Variants in DPYSL3 observed in about 807,000 individuals in gnomAD.
The protein encoded by DPYSL3 is dihydropyrimidinase like 3.
A neutral mutation model predicts 66.1 loss-of-function variants in DPYSL3; 16 were observed. The observed-to-expected ratio is 0.24, with a 90% CI of 0.16 to 0.37. DPYSL3 has a LOEUF of 0.37. Among genes scored for constraint, DPYSL3 ranks in the 10% least tolerant of loss-of-function variants. DPYSL3 has a pLI of 1.00. For missense variants in DPYSL3, 738 were observed against 916.2 expected, an observed-to-expected ratio of 0.81 and a Z score of 2.51; for synonymous variants, 338 against 345.1, an observed-to-expected ratio of 0.98 and a Z score of 0.23.
intron 1 of DPYSL3, among the ~76,000 whole-genome samples, chr5:147,482,426 T>C (rs1753264883): frequency 6.6e-6 from 1 of 152,236 alleles, no homozygotes; most frequent in Non-Finnish European, 1.5e-5. Flanking sequence ...CATCTAGATC[T>C]ATATTTGTAA....
At chr5:147,403,567 GTATT>G (rs1758252068) in intron 8 of DPYSL3, among the ~76,000 whole-genome samples, 1 of 152,090 alleles carries the variant, frequency 6.6e-6, no homozygotes, top group African/African-American at 2.4e-5. Context: ...AAAAATTAAA[GTATT>G]TATGTCAGTG....
chr5:147,439,387 AAAC>A (rs1009856563), intron 1 of DPYSL3, among the ~76,000 whole-genome samples: 3 of 152,014 alleles, frequency 2.0e-5, no homozygotes, highest in Admixed American at 1.3e-4. Context: ...AGAAAAAAAA[AAAC>A]AACAAGTACA....
chr5:147,420,093 CCTT>C (rs1752049541), intron 2 of DPYSL3, among the ~76,000 whole-genome samples: 1 of 152,154 alleles, frequency 6.6e-6, no homozygotes, highest in African/African-American at 2.4e-5. Context: ...CATCTTCCCT[CCTT>C]CATCAAGTTT....
intron 8 of DPYSL3, among the ~76,000 whole-genome samples, chr5:147,404,463 G>A (rs1758280789): frequency 6.6e-6 from 1 of 152,248 alleles, no homozygotes; most frequent in African/African-American, 2.4e-5. Context: ...TCACAGGCCA[G>A]TTTGGTAGAT....
chr5:147,443,010 A>G (rs561394752), intron 1 of DPYSL3, among the ~76,000 whole-genome samples: 1 of 152,236 alleles, frequency 6.6e-6, no homozygotes, highest in Non-Finnish European at 1.5e-5. Context: ...TAATTTTAAA[A>G]TCCTTGTGTC....
In DPYSL3 at chr5:147,393,866, G is replaced by A. The variant is rs892299541; in HGVS notation, c.*169C>T. On this transcript the variant is annotated 3_prime_UTR_variant, in exon 14 of 14. Transcript: ENST00000343218. The stretch of plus-strand genomic sequence containing the variant: ...ATAAACAGAAAACAAAGCAATATTC[G>A]TAAAGCTAGGCAAGCGAGCGTAACA... 8.7e-6 allele frequency: 6 copies of A among 689,368 alleles called. No individual in the cohort carries two copies. Among genetic ancestry groups the A allele is most frequent in the South Asian group, 3.9e-5 (2 of 51,762 alleles). The allele number at this position is 689,368 out of a possible 1,614,324, so 42.7% of individuals were successfully genotyped here. A position where few individuals can be genotyped will look rare whatever the true frequency, so the allele number is the denominator to read the frequency against.
At chr5:147,399,681 C>T (rs1204875802) in intron 10 of DPYSL3, among the ~76,000 whole-genome samples, 3 of 152,116 alleles carry the variant, frequency 2.0e-5, no homozygotes. Flanking sequence ...ACAATGGGTT[C>T]CCTGGGTTGT....
intron 1 of DPYSL3, among the ~76,000 whole-genome samples, chr5:147,491,010 A>G (rs1753407678): frequency 6.6e-6 from 1 of 152,222 alleles, no homozygotes; most frequent in Admixed American, 6.5e-5. Context: ...AATACATTAA[A>G]GCATGCTGTT....
chr5:147,482,114 C>T (rs1258533584), intron 1 of DPYSL3, among the ~76,000 whole-genome samples: 2 of 152,162 alleles, frequency 1.3e-5, no homozygotes, highest in African/African-American at 4.8e-5. Flanking sequence ...AAAGAGCAGT[C>T]AGGGCCTCAT....
chr5:147,481,199 T>C (rs1753238127), intron 1 of DPYSL3, among the ~76,000 whole-genome samples: 1 of 152,178 alleles, frequency 6.6e-6, no homozygotes, highest in South Asian at 2.1e-4. Context: ...TGTGTGACAG[T>C]TGGCAAGTCA....
chr5:147,457,600 T>G (rs1358172079), intron 1 of DPYSL3, among the ~76,000 whole-genome samples: 2 of 152,260 alleles, frequency 1.3e-5, no homozygotes, highest in Admixed American at 6.5e-5. Flanking sequence ...ATCACTTTGC[T>G]AATATGATAC....
intron 1 of DPYSL3, among the ~76,000 whole-genome samples, chr5:147,463,747 T>G (rs1752969072): frequency 1.3e-5 from 2 of 152,132 alleles, no homozygotes; most frequent in African/African-American, 4.8e-5. Flanking sequence ...TGCTGTCAAA[T>G]GTCCGTCATG....
At chr5:147,397,894 G>C in intron 11 of DPYSL3, 49 bp from the exon 12 acceptor site, 7 of 1,504,666 alleles carry the variant, frequency 4.7e-6, no homozygotes, top group African/African-American at 1.4e-5. Context: ...AGAGAAAGAG[G>C]AACGTACCTT....
intron 1 of DPYSL3, among the ~76,000 whole-genome samples, chr5:147,473,708 A>C (rs1001479852): frequency 1.2e-4 from 19 of 152,098 alleles, no homozygotes; most frequent in African/African-American, 4.6e-4. Context: ...CTCTTCTGGC[A>C]ATGGACTTTT....
At chr5:147,450,326 CTAT>C (rs1752704261) in intron 1 of DPYSL3, among the ~76,000 whole-genome samples, 2 of 152,066 alleles carry the variant, frequency 1.3e-5, no homozygotes, top group Non-Finnish European at 2.9e-5. Flanking sequence ...CAGGTATGGG[CTAT>C]TATTAGGAAC....
intron 1 of DPYSL3, among the ~76,000 whole-genome samples, chr5:147,443,964 C>T (rs1485870081): frequency 6.6e-6 from 1 of 152,096 alleles, no homozygotes; most frequent in Admixed American, 6.5e-5. Flanking sequence ...AGTCCATCCC[C>T]CTTGCAGAAG....
intron 1 of DPYSL3, among the ~76,000 whole-genome samples, chr5:147,487,784 C>A (rs1198347471): frequency 6.6e-6 from 1 of 152,166 alleles, no homozygotes; most frequent in Non-Finnish European, 1.5e-5. Flanking sequence ...GCTATCTAAT[C>A]CTTCATTTGA....
chr5:147,394,222 G>T (rs923418308), intron 13 of DPYSL3, 99 bp from the exon 14 acceptor site: 8 of 1,206,456 alleles, frequency 6.6e-6, no homozygotes, highest in Non-Finnish European at 9.6e-6. Context: ...AAGAGTGCAA[G>T]ATATGAAGTG....
At chr5:147,394,392 A>G (rs906351083) in intron 13 of DPYSL3, among the ~76,000 whole-genome samples, 1 of 152,198 alleles carries the variant, frequency 6.6e-6, no homozygotes, top group African/African-American at 2.4e-5. Flanking sequence ...AAGAAGAACA[A>G]TGACAAAGAC....
Sources: allele counts gnomAD v4.1 joint callset (sites outside exome capture counted in the v4.1 genomes callset), GRCh38; gene constraint gnomAD v4.1.1; transcripts MANE v1.5; gene names NCBI Gene and HGNC (gene_info 2026-07-23, HGNC 2026-07-21).